The following ENTREP2 variants were observed in gnomAD, a reference collection of about 807,000 sequenced individuals.
The protein encoded by ENTREP2 is endosomal transmembrane epsin interactor 2.
At chr15:29,328,539 T>C in the ENTREP2 span, among the ~76,000 whole-genome samples, 21 of 152,294 alleles carry the variant, frequency 1.4e-4, no homozygotes, top group Non-Finnish European at 2.8e-4. Flanking sequence ...GGTGCTGACT[T>C]AAGTAACTCT....
At chr15:29,481,819 C>T in the ENTREP2 span, among the ~76,000 whole-genome samples, 1 of 151,974 alleles carries the variant, frequency 6.6e-6, no homozygotes, top group Non-Finnish European at 1.5e-5. Context: ...GCCTTCTACC[C>T]CCACATACTG....
the ENTREP2 span, among the ~76,000 whole-genome samples, chr15:29,460,429 C>T: frequency 6.6e-6 from 1 of 152,132 alleles, no homozygotes; most frequent in Non-Finnish European, 1.5e-5. Flanking sequence ...GTCAGGAATT[C>T]GAGATCAGCC....
At chr15:29,655,957 G>A in the ENTREP2 span, among the ~76,000 whole-genome samples, 16 of 150,998 alleles carry the variant, frequency 1.1e-4, no homozygotes, top group Non-Finnish European at 1.5e-4. Flanking sequence ...TCTGGGAAGC[G>A]GAGGTTGCAG....
the ENTREP2 span, among the ~76,000 whole-genome samples, chr15:29,527,885 G>A: frequency 2.6e-5 from 4 of 152,064 alleles, no homozygotes; most frequent in South Asian, 2.1e-4. Flanking sequence ...CCATTCTCAC[G>A]GGCTTGCTGG....
At chr15:29,346,346 G>C in the ENTREP2 span, among the ~76,000 whole-genome samples, 2 of 152,182 alleles carry the variant, frequency 1.3e-5, no homozygotes, top group Non-Finnish European at 2.9e-5. Context: ...AGGTGCCTCA[G>C]GCTGAAATCC....
At chr15:29,309,178 T>C in the ENTREP2 span, among the ~76,000 whole-genome samples, 1 of 152,144 alleles carries the variant, frequency 6.6e-6, no homozygotes, top group African/African-American at 2.4e-5. Context: ...TCCCCTATAA[T>C]TGAATGTATT....
the ENTREP2 span, among the ~76,000 whole-genome samples, chr15:29,609,214 C>G: frequency 1.6e-4 from 24 of 150,070 alleles, 1 homozygote; most frequent in Non-Finnish European, 3.1e-4. Flanking sequence ...AAACTGAAAA[C>G]TTGGACCCCT....
chr15:29,437,948 G>T, the ENTREP2 span, among the ~76,000 whole-genome samples: 69,183 of 152,014 alleles, frequency 0.46, 16,785 homozygotes, highest in African/African-American at 0.63. Flanking sequence ...AAACAAGGAG[G>T]GCAAGTCAAA....
the ENTREP2 span, among the ~76,000 whole-genome samples, chr15:29,435,767 C>A: frequency 6.6e-6 from 1 of 151,866 alleles, no homozygotes; most frequent in Admixed American, 6.6e-5. Context: ...TCTAAAGATG[C>A]TCTTTCACTG....
chr15:29,490,516 G>C, the ENTREP2 span, among the ~76,000 whole-genome samples: 1 of 152,170 alleles, frequency 6.6e-6, no homozygotes. Flanking sequence ...ATTTTACAGA[G>C]AGCTGATTGG....
At chr15:29,327,052 C>A in the ENTREP2 span, among the ~76,000 whole-genome samples, 1 of 152,026 alleles carries the variant, frequency 6.6e-6, no homozygotes, top group African/African-American at 2.4e-5. Context: ...ACACCTTACT[C>A]AAAAAATTAT....
the ENTREP2 span, chr15:29,613,227 C>G: frequency 6.1e-6 from 1 of 164,206 alleles, no homozygotes; most frequent in African/African-American, 2.4e-5. Flanking sequence ...CGTTTCTTTT[C>G]TGAAAAACCC....
the ENTREP2 span, chr15:29,121,446 A>ACCC: frequency 6.6e-6 from 1 of 151,896 alleles, no homozygotes. Flanking sequence ...CCTAGTGTGG[A>ACCC]CCCCCCCAAG....
chr15:29,410,005 C>T, the ENTREP2 span, among the ~76,000 whole-genome samples: 1 of 152,202 alleles, frequency 6.6e-6, no homozygotes, highest in Non-Finnish European at 1.5e-5. Flanking sequence ...ATCATCACGT[C>T]TGAAGAGCAG....
At chr15:29,482,878 T>C in the ENTREP2 span, among the ~76,000 whole-genome samples, 2 of 152,194 alleles carry the variant, frequency 1.3e-5, no homozygotes, top group African/African-American at 2.4e-5. Flanking sequence ...TGTAGGCTCA[T>C]AGGGTAAGAG....
At chr15:29,124,190 A>G in the ENTREP2 span, among the ~76,000 whole-genome samples, 1 of 152,188 alleles carries the variant, frequency 6.6e-6, no homozygotes, top group Admixed American at 6.5e-5. Flanking sequence ...CACAGAGCTG[A>G]CAGCCTCTCT....
chr15:29,129,965 AG>A, the ENTREP2 span, among the ~76,000 whole-genome samples: 60 of 152,152 alleles, frequency 3.9e-4, no homozygotes, highest in Non-Finnish European at 7.2e-4. Context: ...TGGGAAGGTG[AG>A]GGGGGCTCCT....
chr15:29,634,548 C>T, the ENTREP2 span, among the ~76,000 whole-genome samples: 5 of 152,208 alleles, frequency 3.3e-5, no homozygotes, highest in African/African-American at 1.2e-4. Flanking sequence ...CAAAAATAAA[C>T]AAGCAATCGG....
the ENTREP2 span, among the ~76,000 whole-genome samples, chr15:29,322,868 T>C: frequency 2.0e-5 from 3 of 152,238 alleles, no homozygotes; most frequent in Non-Finnish European, 4.4e-5. Context: ...TGTGGTTTTG[T>C]GTTCCTTTTT....
Sources: gnomAD v4.1 joint callset for allele counts (sites outside exome capture counted in the v4.1 genomes callset) on GRCh38, gnomAD v4.1.1 for gene constraint, MANE v1.5 for transcripts, NCBI Gene and HGNC (gene_info 2026-07-23, HGNC 2026-07-21) for gene names.